Variants in TTLL11 observed in about 807,000 individuals in gnomAD.
TTLL11 encodes the protein tubulin polyglutamylase TTLL11.
TTLL11 carries 42 observed loss-of-function variants against 51.7 expected under a neutral mutation model. The ratio of observed to expected loss-of-function variants is 0.81; its 90% CI spans 0.64 to 1.05. The LOEUF (loss-of-function observed/expected upper bound fraction) is 1.05, where lower values mean the gene tolerates loss of function less well. TTLL11 is among the 50% of genes least tolerant of loss of function. The probability of loss-of-function intolerance (pLI) is 0.00; values close to 1 mark genes in which losing one functional copy is unlikely to be tolerated. For missense variants in TTLL11, 799 were observed against 940.4 expected (o/e 0.85, Z 1.97); for synonymous variants, 381 against 383.5 (o/e 0.99, Z 0.08).
chr9:121,951,635 TAGA>T (rs1478278350), intron 6 of TTLL11, among the ~76,000 whole-genome samples: 1 of 152,116 alleles, frequency 6.6e-6, no homozygotes, highest in African/African-American at 2.4e-5. Flanking sequence ...TTTAACAAAG[TAGA>T]AGAATTCCTC....
At chr9:121,968,063 G>A (rs1842455538) in intron 6 of TTLL11, among the ~76,000 whole-genome samples, 1 of 152,176 alleles carries the variant, frequency 6.6e-6, no homozygotes, top group Non-Finnish European at 1.5e-5. Context: ...TAGTGGTGAC[G>A]GTTGCACGAC....
intron 8 of TTLL11, among the ~76,000 whole-genome samples, chr9:121,847,833 GATA>G (rs142335441): frequency 0.025 from 3,878 of 152,224 alleles, 103 homozygotes; most frequent in African/African-American, 0.072. Context: ...ACCTAAACCA[GATA>G]ATGATATTAC....
In TTLL11 at chr9:121,904,998, T is replaced by A. The variant is rs552796380; in HGVS notation, c.1482-34250A>T. Reference sequence around the variant, plus strand: ...AAACAAATCCAAGTTTGTTTTGTCATGTTCTTTCACTTTGAAAAGCTCAGC... The same window carrying A: ...AAACAAATCCAAGTTTGTTTTGTCAAGTTCTTTCACTTTGAAAAGCTCAGC... On this transcript the variant is annotated intron_variant, in intron 6 of 8. Transcript: ENST00000321582. Among the ~76,000 whole-genome samples, 33 of 152,358 alleles carry A rather than the reference T, an allele frequency of 2.2e-4. No individual in the cohort carries two copies. In the South Asian group the frequency reaches 4.6e-3, roughly 21 times the overall value.
At chr9:121,982,732 A>G in intron 4 of TTLL11, among the ~76,000 whole-genome samples, 1 of 151,852 alleles carries the variant, frequency 6.6e-6, no homozygotes, top group Non-Finnish European at 1.5e-5. Flanking sequence ...AAAAAAAAAA[A>G]AAAAGAATAA....
intron 1 of TTLL11, among the ~76,000 whole-genome samples, chr9:122,081,724 GAGA>G (rs1846008385): frequency 6.6e-6 from 1 of 152,184 alleles, no homozygotes; most frequent in South Asian, 2.1e-4. Flanking sequence ...TTTAGTGAAT[GAGA>G]AGAAGAAATT....
At chr9:121,929,603 G>GC (rs35816168) in intron 6 of TTLL11, among the ~76,000 whole-genome samples, 38,395 of 152,146 alleles carry the variant, frequency 0.25, 5,239 homozygotes, top group African/African-American at 0.36. Context: ...GGGGACACAA[G>GC]TCATTCATTT....
intron 6 of TTLL11, among the ~76,000 whole-genome samples, chr9:121,881,477 T>C (rs1019575319): frequency 1.3e-5 from 2 of 152,202 alleles, no homozygotes; most frequent in Admixed American, 6.5e-5. Context: ...CCTCTTCAGA[T>C]TGCAGATGAC....
intron 3 of TTLL11, among the ~76,000 whole-genome samples, chr9:122,013,967 C>T (rs536526308): frequency 2.7e-4 from 41 of 152,296 alleles, no homozygotes; most frequent in Non-Finnish European, 5.4e-4. Flanking sequence ...TGAAAATCTA[C>T]AATCTCCTCC....
chr9:122,076,590 T>C (rs1307204707), intron 1 of TTLL11, among the ~76,000 whole-genome samples: 3 of 151,978 alleles, frequency 2.0e-5, no homozygotes, highest in African/African-American at 7.3e-5. Context: ...CACCAAAAAA[T>C]GTAGTTTTAA....
Position 121,829,648 on chromosome 9 carries a change from C to G in TTLL11, c.1841-6769G>C, listed in dbSNP as rs74440553. ...TGTATACAATGGTATTCATTGCAAA[C>G]TTATTTATAGTACCACGGGGCATGG... On this transcript the variant is annotated intron_variant, in intron 8 of 8. Coordinates refer to ENST00000321582, the MANE Select transcript of TTLL11 (RefSeq NM_001139442.2). Among the ~76,000 whole-genome samples the G allele has an allele frequency of 8.1e-3, 1,232 of 152,166 alleles. 50 individuals carry two copies. In the East Asian group the frequency reaches 0.12, roughly 15 times the overall value.
rs199532582 is a variant in TTLL11, at chr9:121,989,276, C to T, written c.1188G>A (p.Thr396=). ...WSDIISVVIK[T]VIALTPELKV... is the part of the protein sequence containing the mutation. Reference sequence around the variant, plus strand: ...TGAGCTCTGGAGTCAGCGCGATGACCGTCTTAATCACCACGGAGATGATGT... The same window carrying T: ...TGAGCTCTGGAGTCAGCGCGATGACTGTCTTAATCACCACGGAGATGATGT... The change falls in exon 4 of 9, where the codon ACG becomes ACA. Residue 396 remains threonine, a synonymous_variant. Coordinates refer to ENST00000321582, the MANE Select transcript of TTLL11 (RefSeq NM_001139442.2). The surrounding 1 kb of genome is among the most constrained non-coding windows in gnomAD (Gnocchi z 4.2). 68 of 1,614,042 alleles carry T rather than the reference C, an allele frequency of 4.2e-5. 1 individual carries two copies. The East Asian group carries it at 4.5e-4, about 11-fold the overall frequency.
chr9:121,913,548 CT>C (rs1282055513), intron 6 of TTLL11, among the ~76,000 whole-genome samples: 1 of 152,190 alleles, frequency 6.6e-6, no homozygotes, highest in Non-Finnish European at 1.5e-5. Context: ...TGTTGCTTAT[CT>C]TTCATACCTG....
chr9:122,070,726 C>T (rs893773307), intron 1 of TTLL11, among the ~76,000 whole-genome samples: 6 of 152,156 alleles, frequency 3.9e-5, no homozygotes, highest in African/African-American at 1.4e-4. Flanking sequence ...CAGCGCTCCC[C>T]TCCTCAGGGC....
At chr9:121,863,397 G>A (rs373943920) in intron 7 of TTLL11, among the ~76,000 whole-genome samples, 2 of 152,360 alleles carry the variant, frequency 1.3e-5, no homozygotes, top group Non-Finnish European at 2.9e-5. Context: ...CAAGTCAGGA[G>A]CGCTGCCTAG....
chr9:121,838,745 A>C (rs978875355), intron 8 of TTLL11, among the ~76,000 whole-genome samples: 1 of 149,774 alleles, frequency 6.7e-6, no homozygotes, highest in Admixed American at 6.6e-5. Flanking sequence ...AGAAAGAAAG[A>C]GAGAAAGAAA....
At chr9:122,062,753 T>C (rs1346860247) in intron 1 of TTLL11, among the ~76,000 whole-genome samples, 1 of 151,540 alleles carries the variant, frequency 6.6e-6, no homozygotes, top group African/African-American at 2.4e-5. Flanking sequence ...ACAGGCATGA[T>C]ATATTATGCA....
intron 6 of TTLL11, among the ~76,000 whole-genome samples, chr9:121,895,424 G>A (rs545007916): frequency 3.3e-4 from 50 of 151,732 alleles, no homozygotes; most frequent in Non-Finnish European, 5.2e-4. Context: ...ATGAGTGTGC[G>A]CTGCGTGTGT....
intron 8 of TTLL11, among the ~76,000 whole-genome samples, chr9:121,829,178 T>C (rs926706492): frequency 6.2e-4 from 95 of 152,104 alleles, no homozygotes; most frequent in African/African-American, 2.2e-3. Context: ...GGTCTCAAAC[T>C]CCTGACCTAA....
At chr9:122,006,894 GA>G (rs1268613129) in intron 3 of TTLL11, among the ~76,000 whole-genome samples, 1 of 140,692 alleles carries the variant, frequency 7.1e-6, no homozygotes, top group East Asian at 2.2e-4. Context: ...GCTGAGGCAT[GA>G]CAGTGTCTTG....
Sources: allele counts gnomAD v4.1 joint callset (sites outside exome capture counted in the v4.1 genomes callset), GRCh38; gene constraint gnomAD v4.1.1; non-coding constraint Gnocchi (gnomAD v3.1); transcripts MANE v1.5; gene names NCBI Gene and HGNC (gene_info 2026-07-23, HGNC 2026-07-21).